The following CD1B variants were observed in gnomAD, a reference collection of about 807,000 sequenced individuals.
CD1B encodes T-cell surface glycoprotein CD1b.
CD1B carries 43 observed loss-of-function variants against 39.8 expected under a neutral mutation model. The ratio of observed to expected loss-of-function variants is 1.08; its 90% CI spans 0.85 to 1.39. CD1B has a LOEUF of 1.39. Ranked by LOEUF, CD1B falls within the 40% of genes most tolerant of loss-of-function variation. CD1B has a pLI of 0.00. For synonymous variants in CD1B, 192 were observed against 152.5 expected (o/e 1.26, Z -1.91); for missense variants, 495 against 403.8 (o/e 1.23, Z -1.94).
At chr1:158,331,330 A>C in intron 1 of CD1B, 33 bp downstream of exon 1, 1 of 1,597,172 alleles carries the variant, frequency 6.3e-7, no homozygotes, top group Non-Finnish European at 8.6e-7. Context: ...AAACCCCTGC[A>C]CCAGTGCTGG....
intron 1 of CD1B, 27 bp downstream of exon 1, chr1:158,331,336 G>T (rs542870511): frequency 2.5e-6 from 4 of 1,605,304 alleles, no homozygotes; most frequent in East Asian, 2.2e-5. Context: ...CTGCACCAGT[G>T]CTGGGAGCTG....
downstream of CD1B, among the ~76,000 whole-genome samples, chr1:158,327,592 G>C (rs1434496661): frequency 1.3e-5 from 2 of 151,726 alleles, no homozygotes; most frequent in Non-Finnish European, 2.9e-5. Flanking sequence ...TTGCAGCTAA[G>C]AGATCTTGCC....
At chr1:158,291,948 A>T in the CD1B span, 1 of 828,606 alleles carries the variant, frequency 1.2e-6, no homozygotes, top group Non-Finnish European at 1.9e-6. Context: ...CTTGTTTCTG[A>T]TCAAATATGT....
chr1:158,293,117 C>G, the CD1B span: 1 of 1,016,262 alleles, frequency 9.8e-7, no homozygotes, highest in Non-Finnish European at 1.5e-6. Context: ...TGATGCAACT[C>G]ATCCAATGCA....
At chr1:158,305,611 C>G in the CD1B span, among the ~76,000 whole-genome samples, 1 of 152,078 alleles carries the variant, frequency 6.6e-6, no homozygotes, top group Non-Finnish European at 1.5e-5. Flanking sequence ...AGAAGAGCAA[C>G]TCCAAGACAC....
chr1:158,331,302 G>T, intron 1 of CD1B, 61 bp downstream of exon 1: 1 of 1,489,290 alleles, frequency 6.7e-7, no homozygotes, highest in Non-Finnish European at 9.4e-7. Flanking sequence ...GGAAAGCCCT[G>T]CTTGCTTTTT....
chr1:158,291,627 C>T, the CD1B span, among the ~76,000 whole-genome samples: 2 of 152,104 alleles, frequency 1.3e-5, no homozygotes, highest in Admixed American at 1.3e-4. Flanking sequence ...CCTGTGGTCT[C>T]CCTCTGTATC....
At chr1:158,321,974 T>C in the CD1B span, among the ~76,000 whole-genome samples, 1 of 152,154 alleles carries the variant, frequency 6.6e-6, no homozygotes, top group Non-Finnish European at 1.5e-5. Context: ...TGTCCATGTA[T>C]AACAAGTTAT....
At chr1:158,296,141 G>A in the CD1B span, among the ~76,000 whole-genome samples, 11 of 151,670 alleles carry the variant, frequency 7.3e-5, no homozygotes, top group East Asian at 3.9e-4. Flanking sequence ...GACCCCCACC[G>A]CCACTGCCCT....
chr1:158,309,294 A>T, the CD1B span, among the ~76,000 whole-genome samples: 13 of 152,340 alleles, frequency 8.5e-5, no homozygotes, highest in African/African-American at 3.1e-4. Context: ...ACCATCTCAC[A>T]GCCTTTAGAA....
chr1:158,286,178 C>T, the CD1B span, among the ~76,000 whole-genome samples: 1 of 152,066 alleles, frequency 6.6e-6, no homozygotes, highest in Non-Finnish European at 1.5e-5. Context: ...GCACTGGGCT[C>T]CCTCGGGACA....
the CD1B span, among the ~76,000 whole-genome samples, chr1:158,315,943 G>A: frequency 3.9e-5 from 6 of 151,944 alleles, no homozygotes; most frequent in Non-Finnish European, 7.4e-5. Flanking sequence ...GTTTTTCTCA[G>A]GTTTGTCAAA....
At chr1:158,292,177 T>G in the CD1B span, 1 of 1,614,080 alleles carries the variant, frequency 6.2e-7, no homozygotes, top group Non-Finnish European at 8.5e-7. Context: ...GGATTAGATT[T>G]ACTGAGTTTC....
chr1:158,315,825 A>G, the CD1B span, among the ~76,000 whole-genome samples: 3 of 151,992 alleles, frequency 2.0e-5, no homozygotes, highest in African/African-American at 7.3e-5. Context: ...ATCTTGAATT[A>G]ATTTTTGTAT....
chr1:158,298,518 T>C, the CD1B span, among the ~76,000 whole-genome samples: 4 of 152,236 alleles, frequency 2.6e-5, no homozygotes, highest in African/African-American at 9.6e-5. Flanking sequence ...TGATTTCATA[T>C]GAAAGATCAG....
the CD1B span, among the ~76,000 whole-genome samples, chr1:158,313,061 A>T: frequency 1.3e-5 from 2 of 152,000 alleles, no homozygotes; most frequent in South Asian, 2.1e-4. Flanking sequence ...TCATAGTGGG[A>T]TGTTGAATTC....
the CD1B span, among the ~76,000 whole-genome samples, chr1:158,322,625 A>G: frequency 6.6e-6 from 1 of 152,024 alleles, no homozygotes; most frequent in Non-Finnish European, 1.5e-5. Context: ...CTTGTTACAC[A>G]TTAGCATTTT....
chr1:158,320,075 C>T, the CD1B span, among the ~76,000 whole-genome samples: 1 of 152,240 alleles, frequency 6.6e-6, no homozygotes, highest in Non-Finnish European at 1.5e-5. Context: ...AGCTGTCAGA[C>T]AGGGACATTT....
downstream of CD1B, among the ~76,000 whole-genome samples, chr1:158,327,679 T>C (rs184196817): frequency 1.3e-5 from 2 of 152,324 alleles, no homozygotes; most frequent in East Asian, 3.9e-4. Context: ...ATAACTCCAA[T>C]GCTGTGAGTA....
Sources: allele counts gnomAD v4.1 joint callset (sites outside exome capture counted in the v4.1 genomes callset), GRCh38; gene constraint gnomAD v4.1.1; transcripts MANE v1.5; gene names NCBI Gene and HGNC (gene_info 2026-07-23, HGNC 2026-07-21).